The following SLCO6A1 variants were observed in gnomAD, a reference collection of about 807,000 sequenced individuals.
The protein encoded by SLCO6A1 is cancer/testis antigen 48.
In SLCO6A1, 65 loss-of-function variants were observed where a neutral mutation model predicts 72.7. The ratio of observed to expected loss-of-function variants is 0.89; its 90% CI spans 0.73 to 1.10. SLCO6A1 has a LOEUF of 1.10. Ranked by LOEUF, SLCO6A1 falls within the 50% of genes least tolerant of loss-of-function variation. The pLI is 0.00. For synonymous variants in SLCO6A1, 314 were observed against 298.2 expected (o/e 1.05, Z -0.55); for missense variants, 874 against 872.6 (o/e 1.00, Z -0.02).
At position 102,498,616 on chromosome 5, in the gene SLCO6A1, T is replaced by C; in HGVS notation, c.229A>G (p.Lys77Glu). The change falls in exon 1 of 14, where the codon AAG becomes GAG. Residue 77 changes from lysine (K) to glutamate (E), a missense_variant. By Grantham distance (56) the Lys-to-Glu change is moderately conservative (BLOSUM62 1). Transcript: ENST00000506729. Reference sequence around the variant, plus strand: ...AAACTGTCATCCACTTCTCCCGGCTTCTTGGAAACTGAGGACTTGGCTTTT... The same window carrying C: ...AAACTGTCATCCACTTCTCCCGGCTCCTTGGAAACTGAGGACTTGGCTTTT... ...RKKAKSSVSK[K>E]PGEVDDSLEQ... 1.9e-6 allele frequency: 3 copies of C among 1,614,252 alleles called. No individual in the cohort carries two copies. The highest frequency in any genetic ancestry group is 2.5e-6 in the Non-Finnish European group (3 of 1,180,042).
At chr5:102,480,910 C>G (rs1265069804) in intron 1 of SLCO6A1, among the ~76,000 whole-genome samples, 1 of 152,216 alleles carries the variant, frequency 6.6e-6, no homozygotes, top group Non-Finnish European at 1.5e-5. Flanking sequence ...CAGTTTTTAG[C>G]CTTTTTAACA....
At chr5:102,456,232 C>T (rs1236668282) in intron 6 of SLCO6A1, among the ~76,000 whole-genome samples, 1 of 152,136 alleles carries the variant, frequency 6.6e-6, no homozygotes, top group Non-Finnish European at 1.5e-5. Context: ...TCCTATTCAA[C>T]ATAGTGTTGG....
chr5:102,423,855 T>C (rs1748743136), intron 7 of SLCO6A1, among the ~76,000 whole-genome samples: 1 of 152,144 alleles, frequency 6.6e-6, no homozygotes, highest in Non-Finnish European at 1.5e-5. Context: ...TATTCTAAAA[T>C]TGACCACATA....
At chr5:102,429,328 T>C (rs750228858) in intron 7 of SLCO6A1, among the ~76,000 whole-genome samples, 1 of 152,210 alleles carries the variant, frequency 6.6e-6, no homozygotes, top group Non-Finnish European at 1.5e-5. Flanking sequence ...TTTGTAAACT[T>C]TTACTTTTGT....
At chr5:102,398,125 T>C (rs996480044) in intron 10 of SLCO6A1, among the ~76,000 whole-genome samples, 1 of 152,192 alleles carries the variant, frequency 6.6e-6, no homozygotes, top group Admixed American at 6.5e-5. Context: ...GAAGTCTGGA[T>C]ATAATCATAG....
intron 7 of SLCO6A1, among the ~76,000 whole-genome samples, chr5:102,420,677 A>G (rs1000323361): frequency 2.0e-5 from 3 of 152,142 alleles, no homozygotes; most frequent in Non-Finnish European, 4.4e-5. Flanking sequence ...ACTCCCTGTA[A>G]TCCAAATATA....
intron 1 of SLCO6A1, among the ~76,000 whole-genome samples, chr5:102,489,267 C>T (rs1281056903): frequency 1.3e-5 from 2 of 152,182 alleles, no homozygotes; most frequent in Non-Finnish European, 2.9e-5. Flanking sequence ...ACTCTCCTCT[C>T]CTTCTCTTCA....
chr5:102,390,646 T>C (rs1746701855), intron 11 of SLCO6A1, among the ~76,000 whole-genome samples: 2 of 152,126 alleles, frequency 1.3e-5, no homozygotes, highest in African/African-American at 4.8e-5. Flanking sequence ...GGTTAGTAAC[T>C]TCCCAAACAC....
chr5:102,427,100 G>A (rs1222485438), intron 7 of SLCO6A1, among the ~76,000 whole-genome samples: 2 of 151,312 alleles, frequency 1.3e-5, no homozygotes, highest in Non-Finnish European at 3.0e-5. Context: ...TATAAATAAA[G>A]AAGAAAAATA....
intron 1 of SLCO6A1, among the ~76,000 whole-genome samples, chr5:102,494,949 T>C (rs1021651319): frequency 6.6e-6 from 1 of 152,244 alleles, no homozygotes; most frequent in African/African-American, 2.4e-5. Context: ...GCAATTCCTC[T>C]TAACAGCATT....
chr5:102,467,731 C>T (rs939430461), intron 4 of SLCO6A1, among the ~76,000 whole-genome samples: 1 of 152,034 alleles, frequency 6.6e-6, no homozygotes, highest in Non-Finnish European at 1.5e-5. Context: ...TTCTTTCTTT[C>T]CTGGTTAATC....
intron 1 of SLCO6A1, among the ~76,000 whole-genome samples, chr5:102,491,245 G>T (rs1232306921): frequency 6.6e-6 from 1 of 152,222 alleles, no homozygotes; most frequent in Non-Finnish European, 1.5e-5. Context: ...GATACAGAGT[G>T]CTGATTGGTG....
At chr5:102,492,418 T>C (rs538382788) in intron 1 of SLCO6A1, among the ~76,000 whole-genome samples, 13 of 152,266 alleles carry the variant, frequency 8.5e-5, no homozygotes, top group African/African-American at 3.1e-4. Context: ...ACTTCCAAGA[T>C]GGCCGAATAG....
intron 9 of SLCO6A1, among the ~76,000 whole-genome samples, chr5:102,404,425 G>C (rs187703366): frequency 5.8e-4 from 89 of 152,272 alleles, no homozygotes; most frequent in Middle Eastern, 3.4e-3. Context: ...AACCGGGGAG[G>C]CGGAGCTTGC....
At chr5:102,468,533 T>C (rs1751425037) in intron 4 of SLCO6A1, among the ~76,000 whole-genome samples, 1 of 152,064 alleles carries the variant, frequency 6.6e-6, no homozygotes, top group African/African-American at 2.4e-5. Flanking sequence ...ACATATATAT[T>C]TAGGATTGTG....
chr5:102,472,399 C>A (rs2112804742), intron 4 of SLCO6A1, among the ~76,000 whole-genome samples: 1 of 152,124 alleles, frequency 6.6e-6, no homozygotes, highest in East Asian at 1.9e-4. Flanking sequence ...ATCTCAGTTT[C>A]TACTAGTTCT....
intron 6 of SLCO6A1, among the ~76,000 whole-genome samples, chr5:102,447,688 T>C (rs2112712675): frequency 6.6e-6 from 1 of 152,208 alleles, no homozygotes; most frequent in East Asian, 1.9e-4. Context: ...TCTCTGAGGG[T>C]TTTTTGTATA....
chr5:102,399,614 G>A lies in SLCO6A1; in HGVS notation c.1755C>T (p.Ile585=). Reference sequence around the variant, plus strand: ...AACCAGAAAATATAAGTGTAGAAAAGATAAAAGCAATGAACAAAGGTAACT... The same window carrying A: ...AACCAGAAAATATAAGTGTAGAAAAAATAAAAGCAATGAACAAAGGTAACT... ...CYKLPLFIAF[I]FSTLIFSGFS... The change falls in exon 10 of 14, where the codon ATC becomes ATT. Residue 585 remains isoleucine, a synonymous_variant. Coordinates refer to ENST00000506729, the MANE Select transcript of SLCO6A1 (RefSeq NM_173488.5). 2.5e-6 allele frequency: 4 copies of A among 1,605,438 alleles called. No homozygotes were observed. The highest frequency in any genetic ancestry group is 3.4e-6 in the Non-Finnish European group (4 of 1,174,528).
At chr5:102,447,825 C>T (rs902171192) in intron 6 of SLCO6A1, among the ~76,000 whole-genome samples, 1 of 151,986 alleles carries the variant, frequency 6.6e-6, no homozygotes, top group African/African-American at 2.4e-5. Flanking sequence ...TAAGAACAAA[C>T]GTTTCATTTC....
Sources: gnomAD v4.1 joint callset for allele counts (sites outside exome capture counted in the v4.1 genomes callset) on GRCh38, gnomAD v4.1.1 for gene constraint, MANE v1.5 for transcripts, NCBI Gene and HGNC (gene_info 2026-07-23, HGNC 2026-07-21) for gene names.